Variants in TAF3 observed in about 807,000 individuals in gnomAD.
TAF3 encodes transcription initiation factor TFIID subunit 3.
A neutral mutation model predicts 80.6 loss-of-function variants in TAF3; 7 were observed. The ratio of observed to expected loss-of-function variants is 0.09; its 90% CI spans 0.05 to 0.16. The LOEUF (loss-of-function observed/expected upper bound fraction) is 0.16, where lower values mean the gene tolerates loss of function less well. Ranked by LOEUF, TAF3 falls within the 10% of genes least tolerant of loss-of-function variation. The probability of loss-of-function intolerance (pLI) is 1.00; values close to 1 mark genes in which losing one functional copy is unlikely to be tolerated. For synonymous variants in TAF3, 444 were observed against 446.1 expected (o/e 1.00, Z 0.06); for missense variants, 921 against 1,140.2 (o/e 0.81, Z 2.77).
At chr10:7,826,107 G>T (rs192821127) in intron 2 of TAF3, among the ~76,000 whole-genome samples, 5 of 152,276 alleles carry the variant, frequency 3.3e-5, no homozygotes, top group Middle Eastern at 3.4e-3. Context: ...TGTCAGGGTT[G>T]CCTCATCTGA....
intron 3 of TAF3, among the ~76,000 whole-genome samples, chr10:7,974,238 C>A (rs1831649469): frequency 1.3e-5 from 2 of 152,050 alleles, no homozygotes; most frequent in Admixed American, 6.6e-5. Flanking sequence ...GCCACCCATC[C>A]CCCTCATGAC....
chr10:7,869,517 G>A (rs1394415947), intron 2 of TAF3, among the ~76,000 whole-genome samples: 2 of 151,158 alleles, frequency 1.3e-5, no homozygotes, highest in African/African-American at 2.4e-5. Context: ...AATTTACATA[G>A]TTCCCTGTTG....
intron 2 of TAF3, among the ~76,000 whole-genome samples, chr10:7,926,986 G>T (rs928127011): frequency 4.1e-4 from 63 of 152,112 alleles, no homozygotes; most frequent in Admixed American, 4.1e-3. Flanking sequence ...GATGAAAGTG[G>T]CCTACCATGG....
chr10:7,959,836 C>T (rs1442022239), intron 2 of TAF3, among the ~76,000 whole-genome samples: 1 of 152,176 alleles, frequency 6.6e-6, no homozygotes, highest in Non-Finnish European at 1.5e-5. Flanking sequence ...TCCAAATTTT[C>T]AAGTTATTGT....
chr10:7,862,045 A>T (rs926979041), intron 2 of TAF3, among the ~76,000 whole-genome samples: 13 of 152,134 alleles, frequency 8.5e-5, no homozygotes, highest in African/African-American at 3.1e-4. Flanking sequence ...TTTCAGGGTC[A>T]CTGAGCTTTC....
At chr10:7,998,743 G>A (rs1367201484) in intron 4 of TAF3, among the ~76,000 whole-genome samples, 1 of 151,952 alleles carries the variant, frequency 6.6e-6, no homozygotes, top group African/African-American at 2.4e-5. Context: ...GGAGGCTGAG[G>A]CAGGAGAATT....
rs1832032768 is a variant in TAF3 at position 8,009,543 on chromosome 10, C to T, written c.2568+213C>T. Among the ~76,000 whole-genome samples the T allele has an allele frequency of 6.6e-6, 1 of 152,114 alleles. No homozygotes were observed. Among genetic ancestry groups the T allele is most frequent in the Non-Finnish European group, 1.5e-5 (1 of 68,018 alleles). The stretch of plus-strand genomic sequence containing the variant: ...GCAACCTCAAACTCCTGGGCCCAAG[C>T]GATCCTCCTGCATTAGCTTCTCAAA... On this transcript the variant is annotated intron_variant, in intron 5 of 6. Transcript: ENST00000344293. This position sits in a 1 kb window ranked among gnomAD's most constrained non-coding sequence, Gnocchi z 4.1.
chr10:8,013,865 A>G, intron 6 of TAF3, 28 bp downstream of exon 6: 2 of 1,587,014 alleles, frequency 1.3e-6, no homozygotes, highest in Non-Finnish European at 1.7e-6. Flanking sequence ...CCTGCCGGCC[A>G]CACTCATTAG....
At chr10:7,982,931 C>G (rs1364687965) in intron 4 of TAF3, among the ~76,000 whole-genome samples, 1 of 152,162 alleles carries the variant, frequency 6.6e-6, no homozygotes, top group East Asian at 1.9e-4. Context: ...CTCTTCATCT[C>G]TAGTGGAAAC....
intron 2 of TAF3, among the ~76,000 whole-genome samples, chr10:7,950,062 A>G (rs1838066883): frequency 6.6e-6 from 1 of 152,222 alleles, no homozygotes; most frequent in Non-Finnish European, 1.5e-5. Flanking sequence ...TGGAGAAAGT[A>G]CTTATTATTA....
intron 2 of TAF3, among the ~76,000 whole-genome samples, chr10:7,961,309 A>G (rs149102453): frequency 6.6e-6 from 1 of 152,310 alleles, no homozygotes; most frequent in African/African-American, 2.4e-5. Flanking sequence ...AATCGGTAGC[A>G]TAATTGATGA....
chr10:8,014,713 G>T lies in TAF3; in HGVS notation c.2752G>T (p.Asp918Tyr). ...FCPKCANKKK[D>Y]KKHKKRKHRA... ...CCCCAAGTGTGCGAACAAGAAGAAG[G>T]ACAAAAAGCACAAGAAGAGGAAGCA... The change falls in exon 7 of 7, where the codon GAC (aspartate) becomes TAC (tyrosine). Residue 918 changes from aspartate to tyrosine, a missense_variant. Coordinates refer to ENST00000344293, the MANE Select transcript of TAF3 (RefSeq NM_031923.4). 6.2e-7 allele frequency: 1 copy of T among 1,609,820 alleles called. No homozygotes were observed. Among genetic ancestry groups the T allele is most frequent in the Non-Finnish European group, 8.5e-7 (1 of 1,177,974 alleles).
chr10:7,919,472 A>G (rs898846729), intron 2 of TAF3, among the ~76,000 whole-genome samples: 1 of 152,176 alleles, frequency 6.6e-6, no homozygotes, highest in Non-Finnish European at 1.5e-5. Flanking sequence ...CACCTGTAGA[A>G]TTAGAATGAA....
chr10:7,828,066 G>A (rs1446160596), intron 2 of TAF3, among the ~76,000 whole-genome samples: 4 of 152,048 alleles, frequency 2.6e-5, no homozygotes, highest in Non-Finnish European at 4.4e-5. Context: ...GTGAAGTCAC[G>A]CTATAAGGGG....
chr10:7,869,778 T>G (rs902648287), intron 2 of TAF3, among the ~76,000 whole-genome samples: 1 of 152,228 alleles, frequency 6.6e-6, no homozygotes, highest in Non-Finnish European at 1.5e-5. Flanking sequence ...GCAGTGCATA[T>G]TATCCTTTTT....
intron 2 of TAF3, among the ~76,000 whole-genome samples, chr10:7,864,638 G>T (rs760438117): frequency 6.6e-6 from 1 of 152,090 alleles, no homozygotes; most frequent in Non-Finnish European, 1.5e-5. Flanking sequence ...GAATGGTGGG[G>T]TTATACGGCT....
At chr10:7,973,485 G>A (rs1219116329) in intron 3 of TAF3, among the ~76,000 whole-genome samples, 2 of 152,156 alleles carry the variant, frequency 1.3e-5, no homozygotes, top group Non-Finnish European at 1.5e-5. Context: ...CAAAAAGACT[G>A]CATTCCGTCT....
intron 2 of TAF3, among the ~76,000 whole-genome samples, chr10:7,841,894 C>A (rs1304268283): frequency 6.6e-6 from 1 of 152,020 alleles, no homozygotes; most frequent in African/African-American, 2.4e-5. Context: ...TTTAAATAAT[C>A]AGGTAGAGCT....
chr10:7,931,088 CTGG>C (rs1228639283), intron 2 of TAF3, among the ~76,000 whole-genome samples: 2 of 152,082 alleles, frequency 1.3e-5, no homozygotes, highest in Non-Finnish European at 2.9e-5. Flanking sequence ...GTAACATTGC[CTGG>C]TGTTTTTAAT....
Sources: gnomAD v4.1 joint callset for allele counts (sites outside exome capture counted in the v4.1 genomes callset) on GRCh38, gnomAD v4.1.1 for gene constraint, Gnocchi (gnomAD v3.1) non-coding constraint, MANE v1.5 for transcripts, NCBI Gene and HGNC (gene_info 2026-07-23, HGNC 2026-07-21) for gene names.